LARGE1: variants seen among roughly 807,000 people sequenced by gnomAD.
The protein encoded by LARGE1 is xylosyl- and glucuronyltransferase LARGE1.
Under a neutral mutation model 87.6 loss-of-function variants are expected in LARGE1, and 43 were observed. That is an observed-to-expected ratio of 0.49 (90% confidence interval 0.38 to 0.63). The LOEUF is 0.63. LARGE1 is among the 30% of genes least tolerant of loss of function. The pLI, the probability that LARGE1 is intolerant of heterozygous loss-of-function variation, is 0.00. For missense variants in LARGE1, 802 were observed against 1,000.2 expected (o/e 0.80, Z 2.67); for synonymous variants, 434 against 394.6 (o/e 1.10, Z -1.18).
chr22:33,562,998 G>A (rs2077906351), intron 6 of LARGE1: 1 of 152,686 alleles, frequency 6.5e-6, no homozygotes, highest in Admixed American at 6.5e-5. Context: ...AGGCAGAGGG[G>A]AAAATCAGCC....
intron 1 of LARGE1, among the ~76,000 whole-genome samples, chr22:33,915,645 TTC>T (rs751747563): frequency 6.6e-6 from 1 of 152,188 alleles, no homozygotes; most frequent in Non-Finnish European, 1.5e-5. Flanking sequence ...AGAAAAAATT[TTC>T]TGTTTTTAAT....
intron 1 of LARGE1, among the ~76,000 whole-genome samples, chr22:33,800,948 C>A (rs574250590): frequency 2.0e-5 from 3 of 152,246 alleles, no homozygotes; most frequent in Admixed American, 2.0e-4. Flanking sequence ...TGTCCCCACC[C>A]AAATCTCAAC....
At chr22:33,203,845 G>C (rs1462014264) in intron 11 of LARGE1, among the ~76,000 whole-genome samples, 1 of 151,930 alleles carries the variant, frequency 6.6e-6, no homozygotes, top group African/African-American at 2.4e-5. Context: ...CCACTCCCCG[G>C]ACCTTACCCT....
chr22:33,403,004 T>C (rs2065974133), intron 7 of LARGE1, among the ~76,000 whole-genome samples: 1 of 152,164 alleles, frequency 6.6e-6, no homozygotes, highest in Non-Finnish European at 1.5e-5. Flanking sequence ...TACTGATGCC[T>C]ATGGGGTGAT....
Position 33,585,596 on chromosome 22 carries a change from C to T in LARGE1, c.615+18839G>A, listed in dbSNP as rs868785316. On this transcript the variant is annotated intron_variant, in intron 5 of 14. Transcript: ENST00000397394. ...GATTTCTGGATTTATTCTCACCCCT[C>T]CACCATGAGGAGCCCACGAAAATTC... is the stretch of plus-strand genomic sequence containing the variant. 2.6e-5 allele frequency among the ~76,000 whole-genome samples: 4 copies of T among 152,306 alleles called. No individual in the cohort carries two copies. In the East Asian group the frequency reaches 7.7e-4, roughly 29 times the overall value.
rs1929339930 is a variant in LARGE1, at chr22:33,276,573, G to A, written c.2073+487C>T. Among the ~76,000 whole-genome samples the A allele has an allele frequency of 2.0e-5, 3 of 152,202 alleles. No homozygotes were observed. The South Asian group carries it at 6.2e-4, about 32-fold the overall frequency. On this transcript the variant is annotated intron_variant, in intron 14 of 14. Transcript: ENST00000397394. ...GTAGGAGCTCAATACGTATCAGTTG[G>A]ATGAATGAAGGAGTTCGTGATTAAA...
intron 1 of LARGE1, among the ~76,000 whole-genome samples, chr22:33,777,189 C>A (rs1259947732): frequency 6.6e-6 from 1 of 152,116 alleles, no homozygotes; most frequent in Non-Finnish European, 1.5e-5. Context: ...GTGTGGCAAC[C>A]AACCGCTCCT....
At chr22:33,103,037 C>A in the LARGE1 span, among the ~76,000 whole-genome samples, 1 of 152,104 alleles carries the variant, frequency 6.6e-6, no homozygotes, top group Admixed American at 6.6e-5. Context: ...CCCTGCCCCC[C>A]GCCCCGCCGG....
intron 2 of LARGE1, among the ~76,000 whole-genome samples, chr22:33,675,059 G>A (rs1014439242): frequency 6.6e-6 from 1 of 151,850 alleles, no homozygotes; most frequent in African/African-American, 2.4e-5. Flanking sequence ...TTGGGAGCCC[G>A]AGGCAGGTGG....
intron 6 of LARGE1, among the ~76,000 whole-genome samples, chr22:33,450,363 A>G (rs1435963348): frequency 1.3e-5 from 2 of 151,274 alleles, no homozygotes; most frequent in African/African-American, 4.9e-5. Context: ...ATCCCTTGGG[A>G]GGCCGAGGCA....
chr22:33,286,714 C>A (rs1931609498), intron 12 of LARGE1, among the ~76,000 whole-genome samples: 1 of 152,046 alleles, frequency 6.6e-6, no homozygotes, highest in East Asian at 1.9e-4. Flanking sequence ...AGGGAATGGG[C>A]AAGATATAAA....
intron 1 of LARGE1, among the ~76,000 whole-genome samples, chr22:33,780,517 T>G (rs769525269): frequency 3.9e-5 from 6 of 152,196 alleles, no homozygotes; most frequent in Admixed American, 1.3e-4. Context: ...CTCAACAGTC[T>G]GAATGGTGTG....
At chr22:33,654,392 C>T (rs1258291901) in intron 2 of LARGE1, among the ~76,000 whole-genome samples, 1 of 152,210 alleles carries the variant, frequency 6.6e-6, no homozygotes, top group Non-Finnish European at 1.5e-5. Flanking sequence ...GAGATGTGCT[C>T]CGAGTCCCCT....
intron 6 of LARGE1, among the ~76,000 whole-genome samples, chr22:33,441,276 G>A (rs1196687408): frequency 6.6e-6 from 1 of 151,870 alleles, no homozygotes; most frequent in East Asian, 1.9e-4. Context: ...ATTTCATCAT[G>A]TTGGCCAGGC....
At chr22:33,580,657 T>C (rs1035140279) in intron 5 of LARGE1, among the ~76,000 whole-genome samples, 1 of 152,190 alleles carries the variant, frequency 6.6e-6, no homozygotes, top group African/African-American at 2.4e-5. Context: ...ATATACAATG[T>C]AAGGGCAACA....
chr22:33,289,764 G>A (rs61584563), intron 12 of LARGE1, among the ~76,000 whole-genome samples: 5,714 of 152,164 alleles, frequency 0.038, 336 homozygotes, highest in African/African-American at 0.13. Flanking sequence ...TTCCAGCGTG[G>A]CAGAGCTAAC....
chr22:33,668,544 T>C (rs1021072710), intron 2 of LARGE1, among the ~76,000 whole-genome samples: 1 of 152,202 alleles, frequency 6.6e-6, no homozygotes, highest in Admixed American at 6.5e-5. Context: ...TGAAATAAAC[T>C]CCCATATGCT....
At chr22:33,641,144 G>C (rs1241567677) in intron 3 of LARGE1, among the ~76,000 whole-genome samples, 2 of 152,158 alleles carry the variant, frequency 1.3e-5, no homozygotes, top group African/African-American at 4.8e-5. Flanking sequence ...AAACAGGAGA[G>C]CTCCGGCTGG....
At chr22:33,378,207 G>T (rs1035790695) in intron 9 of LARGE1, among the ~76,000 whole-genome samples, 4 of 152,060 alleles carry the variant, frequency 2.6e-5, no homozygotes, top group Admixed American at 2.6e-4. Context: ...CAAGTGCCTG[G>T]CAAATTTTTA....
Sources: allele counts gnomAD v4.1 joint callset (sites outside exome capture counted in the v4.1 genomes callset), GRCh38; gene constraint gnomAD v4.1.1; transcripts MANE v1.5; gene names NCBI Gene and HGNC (gene_info 2026-07-23, HGNC 2026-07-21).